Variants in SLC24A3 observed in about 807,000 individuals in gnomAD.
SLC24A3 encodes solute carrier family 24 member 3, also known as sodium/potassium/calcium exchanger 3.
A neutral mutation model predicts 75.8 loss-of-function variants in SLC24A3; 28 were observed. The ratio of observed to expected loss-of-function variants is 0.37; its 90% CI spans 0.27 to 0.51. SLC24A3 has a LOEUF of 0.51. Ranked by LOEUF, SLC24A3 falls within the 20% of genes least tolerant of loss-of-function variation. The probability of loss-of-function intolerance (pLI) is 0.94; values close to 1 mark genes in which losing one functional copy is unlikely to be tolerated. For missense variants in SLC24A3, 663 were observed against 847.8 expected (o/e 0.78, Z 2.71); for synonymous variants, 372 against 334.1 (o/e 1.11, Z -1.24).
chr20:19,224,103 A>C (rs1451253209), intron 1 of SLC24A3, among the ~76,000 whole-genome samples: 1 of 142,588 alleles, frequency 7.0e-6, no homozygotes, highest in Non-Finnish European at 1.5e-5. Flanking sequence ...TACTGTACCC[A>C]TGTGGTGTGA....
At chr20:19,539,881 G>T (rs1341568296) in intron 3 of SLC24A3, among the ~76,000 whole-genome samples, 3 of 152,180 alleles carry the variant, frequency 2.0e-5, no homozygotes, top group African/African-American at 7.2e-5. Flanking sequence ...TAGCATGCCT[G>T]TGTGTTCAGC....
At chr20:19,607,489 G>A (rs911053228) in intron 6 of SLC24A3, among the ~76,000 whole-genome samples, 2 of 152,108 alleles carry the variant, frequency 1.3e-5, no homozygotes, top group African/African-American at 4.8e-5. Flanking sequence ...GCTCCAATTG[G>A]GGGTCTAAGC....
intron 2 of SLC24A3, among the ~76,000 whole-genome samples, chr20:19,355,548 A>G (rs1247310030): frequency 1.3e-5 from 2 of 152,186 alleles, no homozygotes; most frequent in Non-Finnish European, 2.9e-5. Context: ...TGACCTGACC[A>G]CTGGACCCTT....
intron 9 of SLC24A3, among the ~76,000 whole-genome samples, chr20:19,674,173 G>A (rs774932311): frequency 1.3e-5 from 2 of 152,206 alleles, no homozygotes; most frequent in African/African-American, 2.4e-5. Context: ...CTGATGAAGA[G>A]TTAGTTAAGA....
chr20:19,425,169 G>T (rs1986984532), intron 2 of SLC24A3, among the ~76,000 whole-genome samples: 1 of 152,060 alleles, frequency 6.6e-6, no homozygotes, highest in Non-Finnish European at 1.5e-5. Context: ...TGGGCATGGT[G>T]GTGTGCACCT....
At chr20:19,500,302 C>T (rs775957867) in intron 2 of SLC24A3, among the ~76,000 whole-genome samples, 8 of 152,220 alleles carry the variant, frequency 5.3e-5, no homozygotes, top group Non-Finnish European at 7.3e-5. Flanking sequence ...GCCGCCACCT[C>T]GGAAGCTATT....
chr20:19,215,370 AC>A, intron 1 of SLC24A3, among the ~76,000 whole-genome samples: 1 of 152,186 alleles, frequency 6.6e-6, no homozygotes, highest in Non-Finnish European at 1.5e-5. Context: ...ACCTGAGGTA[AC>A]CTGGTTTTTT....
intron 2 of SLC24A3, among the ~76,000 whole-genome samples, chr20:19,511,524 T>G (rs1988537951): frequency 6.6e-6 from 1 of 152,112 alleles, no homozygotes; most frequent in African/African-American, 2.4e-5. Context: ...AGACAGGGTT[T>G]CACCGTGTTA....
chr20:19,542,021 T>C (rs6046168), intron 3 of SLC24A3, among the ~76,000 whole-genome samples: 73,480 of 151,862 alleles, frequency 0.48, 17,907 homozygotes, highest in Non-Finnish European at 0.5. Flanking sequence ...ATCCAAGATA[T>C]CTCACTCCAC....
chr20:19,576,055 C>T (rs1295341685), intron 3 of SLC24A3, among the ~76,000 whole-genome samples: 10 of 152,070 alleles, frequency 6.6e-5, no homozygotes, highest in Admixed American at 6.5e-4. Context: ...TGGGTAAGTT[C>T]CCACACCCTC....
At chr20:19,678,330 C>A (rs1259358986) in intron 9 of SLC24A3, among the ~76,000 whole-genome samples, 3 of 121,834 alleles carry the variant, frequency 2.5e-5, no homozygotes, top group Non-Finnish European at 3.6e-5. Context: ...GCTGGCCGGG[C>A]GGGGGGCTGA....
At chr20:19,403,933 A>G (rs1986597421) in intron 2 of SLC24A3, among the ~76,000 whole-genome samples, 1 of 152,270 alleles carries the variant, frequency 6.6e-6, no homozygotes, top group Non-Finnish European at 1.5e-5. Flanking sequence ...GGTAACCCTC[A>G]TGATAAAACA....
At chr20:19,707,020 C>G (rs1044535872) in intron 15 of SLC24A3, among the ~76,000 whole-genome samples, 4 of 152,170 alleles carry the variant, frequency 2.6e-5, no homozygotes, top group African/African-American at 4.8e-5. Context: ...CTCTCATTCT[C>G]TTTGGACCAC....
At chr20:19,273,646 C>T (rs1439233549) in intron 1 of SLC24A3, among the ~76,000 whole-genome samples, 1 of 152,100 alleles carries the variant, frequency 6.6e-6, no homozygotes, top group Non-Finnish European at 1.5e-5. Context: ...GATGCAGATT[C>T]TGACTCTGGT....
At chr20:19,318,462 G>C (rs1324471811) in intron 2 of SLC24A3, among the ~76,000 whole-genome samples, 1 of 152,174 alleles carries the variant, frequency 6.6e-6, no homozygotes, top group Admixed American at 6.5e-5. Flanking sequence ...TGGGGAGGCT[G>C]TGCTACCTCC....
At chr20:19,352,272 C>T (rs1454184759) in intron 2 of SLC24A3, among the ~76,000 whole-genome samples, 1 of 152,184 alleles carries the variant, frequency 6.6e-6, no homozygotes, top group Non-Finnish European at 1.5e-5. Context: ...CGATGAGGCC[C>T]TATCCAGGGG....
At chr20:19,462,687 A>G (rs562904858) in intron 2 of SLC24A3, among the ~76,000 whole-genome samples, 1 of 152,286 alleles carries the variant, frequency 6.6e-6, no homozygotes, top group Non-Finnish European at 1.5e-5. Context: ...GCTTCTGTCC[A>G]GCCAGAGAGA....
At chr20:19,497,014 C>A (rs1035977907) in intron 2 of SLC24A3, among the ~76,000 whole-genome samples, 1 of 152,204 alleles carries the variant, frequency 6.6e-6, no homozygotes, top group Non-Finnish European at 1.5e-5. Flanking sequence ...AGTTCCAACA[C>A]ACTAAGTAGA....
intron 2 of SLC24A3, among the ~76,000 whole-genome samples, chr20:19,465,612 C>T (rs556570279): frequency 1.3e-5 from 2 of 152,208 alleles, no homozygotes; most frequent in East Asian, 1.9e-4. Context: ...TGGGGGCTTC[C>T]GGGAAAACAA....
Sources: gnomAD v4.1 joint callset for allele counts (sites outside exome capture counted in the v4.1 genomes callset) on GRCh38, gnomAD v4.1.1 for gene constraint, MANE v1.5 for transcripts, NCBI Gene and HGNC (gene_info 2026-07-23, HGNC 2026-07-21) for gene names.